CACNA1C: variants seen among roughly 807,000 people sequenced by gnomAD.
CACNA1C encodes the protein voltage-dependent L-type calcium channel subunit alpha-1C.
Under a neutral mutation model 229.0 loss-of-function variants are expected in CACNA1C, and 30 were observed. The ratio of observed to expected loss-of-function variants is 0.13; its 90% CI spans 0.10 to 0.18. CACNA1C has a LOEUF of 0.18. Among genes scored for constraint, CACNA1C ranks in the 10% least tolerant of loss-of-function variants. CACNA1C has a pLI of 1.00. For synonymous variants in CACNA1C, 1,114 were observed against 1,132.5 expected (o/e 0.98, Z 0.33); for missense variants, 1,658 against 2,845.0 (o/e 0.58, Z 9.49).
In CACNA1C at chr12:2,483,266, G is replaced by A. The variant is rs564812071; in HGVS notation, c.758-2838G>A. ...GAGACCAAACTGGGGAAGGAGGCAG[G>A]TTAGTTTACCTGCAGGTGACAGGGA... is the stretch of plus-strand genomic sequence containing the variant. On this transcript the variant is annotated intron_variant, in intron 5 of 46. Coordinates refer to ENST00000399655, the MANE Select transcript of CACNA1C (RefSeq NM_000719.7). Among the ~76,000 whole-genome samples the A allele has an allele frequency of 2.8e-3, 429 of 152,362 alleles. 2 individuals are homozygous for A. Among genetic ancestry groups the A allele is most frequent in the African/African-American group, 9.4e-3 (390 of 41,584 alleles).
intron 3 of CACNA1C, among the ~76,000 whole-genome samples, chr12:2,344,020 G>A (rs1198854326): frequency 6.6e-6 from 1 of 152,220 alleles, no homozygotes; most frequent in African/African-American, 2.4e-5. Context: ...GAGTTGATCT[G>A]ACATTGATAG....
At chr12:2,017,859 C>T (rs780699151) in intron 1 of CACNA1C, among the ~76,000 whole-genome samples, 7 of 152,030 alleles carry the variant, frequency 4.6e-5, no homozygotes, top group Admixed American at 1.3e-4. Context: ...AAGAGCCCAG[C>T]GGGAGGCTCC....
chr12:2,534,317 G>C (rs1363087889), intron 9 of CACNA1C, among the ~76,000 whole-genome samples: 2 of 152,196 alleles, frequency 1.3e-5, no homozygotes, highest in Non-Finnish European at 2.9e-5. Context: ...TAGATGGGTA[G>C]AGTGAAAGCG....
intron 3 of CACNA1C, among the ~76,000 whole-genome samples, chr12:2,232,104 T>G (rs927000531): frequency 6.6e-6 from 1 of 152,132 alleles, no homozygotes. Context: ...CATTTTGATC[T>G]TACGAGTTTC....
At chr12:2,301,818 G>A (rs1271104733) in intron 3 of CACNA1C, among the ~76,000 whole-genome samples, 2 of 152,170 alleles carry the variant, frequency 1.3e-5, no homozygotes, top group Non-Finnish European at 1.5e-5. Flanking sequence ...TCCCCAGCCT[G>A]GCCCTGCAGT....
chr12:2,513,121 T>C (rs2099788437), intron 9 of CACNA1C, 137 bp downstream of exon 9: 1 of 576,978 alleles, frequency 1.7e-6, no homozygotes, highest in Admixed American at 3.1e-5. Context: ...GTTATCTCAC[T>C]GATGGCAGTC....
At chr12:2,333,295 A>G (rs1351064180) in intron 3 of CACNA1C, among the ~76,000 whole-genome samples, 1 of 152,166 alleles carries the variant, frequency 6.6e-6, no homozygotes, top group East Asian at 1.9e-4. Context: ...ATTCCAGGTG[A>G]GATTGGGAGA....
At chr12:2,252,565 T>C (rs1487918340) in intron 3 of CACNA1C, among the ~76,000 whole-genome samples, 1 of 152,192 alleles carries the variant, frequency 6.6e-6, no homozygotes, top group Non-Finnish European at 1.5e-5. Flanking sequence ...TCCTCCACTG[T>C]CTATCAAGAA....
intron 1 of CACNA1C, among the ~76,000 whole-genome samples, chr12:1,988,740 T>A (rs1285563424): frequency 6.6e-6 from 1 of 152,232 alleles, no homozygotes; most frequent in African/African-American, 2.4e-5. Context: ...GCAACTTTTA[T>A]GAAGATGGCC....
At chr12:2,516,095 T>C (rs1232619613) in intron 9 of CACNA1C, among the ~76,000 whole-genome samples, 1 of 151,836 alleles carries the variant, frequency 6.6e-6, no homozygotes, top group African/African-American at 2.4e-5. Flanking sequence ...GTTGTGATTT[T>C]AAGGGGTCAG....
intron 1 of CACNA1C, among the ~76,000 whole-genome samples, chr12:2,005,429 A>G (rs967050866): frequency 2.0e-5 from 3 of 152,250 alleles, no homozygotes; most frequent in Non-Finnish European, 4.4e-5. Flanking sequence ...TGGGCAAACT[A>G]TGATTATTCA....
At chr12:2,686,102 A>T in intron 44 of CACNA1C, 64 bp from the exon 45 acceptor site, 1 of 1,297,400 alleles carries the variant, frequency 7.7e-7, no homozygotes. Context: ...ACCAGGGTGT[A>T]AACTGTCACA....
At chr12:2,184,742 T>C (rs2096944105) in intron 3 of CACNA1C, among the ~76,000 whole-genome samples, 1 of 152,190 alleles carries the variant, frequency 6.6e-6, no homozygotes, top group South Asian at 2.1e-4. Flanking sequence ...TAGGTTCTAA[T>C]GAGGAAGACA....
At chr12:2,316,603 T>G (rs902388101) in intron 3 of CACNA1C, among the ~76,000 whole-genome samples, 1 of 152,240 alleles carries the variant, frequency 6.6e-6, no homozygotes, top group Non-Finnish European at 1.5e-5. Context: ...GTCTCATGAA[T>G]AGGTGGAATA....
Position 2,169,146 on chromosome 12 carries a change from C to T in CACNA1C, c.477+48716C>T, listed in dbSNP as rs373423402. On this transcript the variant is annotated intron_variant, in intron 3 of 46. Transcript: ENST00000399655. ...AGCTGAGTGCACCACCTCTGTAAAT[C>T]GATCCCGCACTCAGTTCGTGAAACA... 4.6e-4 allele frequency among the ~76,000 whole-genome samples: 70 copies of T among 152,268 alleles called. No individual in the cohort carries two copies. The South Asian group carries it at 5.0e-3, about 11-fold the overall frequency.
chr12:2,401,101 T>C (rs963966880), intron 3 of CACNA1C, among the ~76,000 whole-genome samples: 2 of 152,172 alleles, frequency 1.3e-5, no homozygotes, highest in African/African-American at 4.8e-5. Flanking sequence ...CTTCTCAGAA[T>C]AACTGGATGG....
Position 2,137,065 on chromosome 12 carries a change from G to A in CACNA1C, c.477+16635G>A, listed in dbSNP as rs764169896. ...CATAACATGTGGGGGACCCCACGGC[G>A]CCCCGCCCAGGTGAGAGCAGTCCCC... On this transcript the variant is annotated intron_variant, in intron 3 of 46. Coordinates refer to ENST00000399655, the MANE Select transcript of CACNA1C (RefSeq NM_000719.7). Among the ~76,000 whole-genome samples, 81 of 151,366 alleles carry A rather than the reference G, an allele frequency of 5.4e-4. 4 individuals are homozygous for A. The highest frequency in any genetic ancestry group is 9.9e-4 in the Non-Finnish European group (67 of 67,616).
rs182896135 is a variant in CACNA1C at position 2,243,101 on chromosome 12, A to G, written c.477+122671A>G. Reference sequence around the variant, plus strand: ...GCTGTTAAGTGCTATGTGGGTGCATAAGAAGGAGTAAGGAGCTTACTTATA... The same window carrying G: ...GCTGTTAAGTGCTATGTGGGTGCATGAGAAGGAGTAAGGAGCTTACTTATA... On this transcript the variant is annotated intron_variant, in intron 3 of 46. Transcript: ENST00000399655. 2.8e-3 allele frequency among the ~76,000 whole-genome samples: 423 copies of G among 152,334 alleles called. 5 individuals carry two copies. The highest frequency in any genetic ancestry group is 1.2e-3 in the Non-Finnish European group (81 of 68,022).
In CACNA1C at chr12:2,278,147, C is replaced by T. The variant is rs145695802; in HGVS notation, c.477+157717C>T. ...TCACCAAATATCCAGATGTTTTCTC[C>T]CAGCTTTCATATCTGCCATTTATTT... On this transcript the variant is annotated intron_variant, in intron 3 of 46. Coordinates refer to ENST00000399655, the MANE Select transcript of CACNA1C (RefSeq NM_000719.7). Among the ~76,000 whole-genome samples, 5 of 152,308 alleles carry T rather than the reference C, an allele frequency of 3.3e-5. 1 individual carries two copies. The highest frequency in any genetic ancestry group is 6.8e-3 in the Middle Eastern group (2 of 294).
Sources: allele counts gnomAD v4.1 joint callset (sites outside exome capture counted in the v4.1 genomes callset), GRCh38; gene constraint gnomAD v4.1.1; transcripts MANE v1.5; gene names NCBI Gene and HGNC (gene_info 2026-07-23, HGNC 2026-07-21).